MYO1D: variants seen among roughly 807,000 people sequenced by gnomAD.
The protein encoded by MYO1D is myosin ID.
A neutral mutation model predicts 122.0 loss-of-function variants in MYO1D; 83 were observed. The observed-to-expected ratio is 0.68, with a 90% CI of 0.57 to 0.82. The LOEUF (loss-of-function observed/expected upper bound fraction) is 0.82, where lower values mean the gene tolerates loss of function less well. Among genes scored for constraint, MYO1D ranks in the 40% least tolerant of loss-of-function variants. MYO1D has a pLI of 0.00. For synonymous variants in MYO1D, 464 were observed against 446.9 expected, an observed-to-expected ratio of 1.04 and a Z score of -0.48; for missense variants, 1,157 against 1,269.5, an observed-to-expected ratio of 0.91 and a Z score of 1.35.
At chr17:32,594,450 CTT>C (rs1358056319) in intron 21 of MYO1D, 3 of 473,666 alleles carry the variant, frequency 6.3e-6, no homozygotes, top group Non-Finnish European at 1.1e-5. Flanking sequence ...TAATTGAACA[CTT>C]TTGTTTGTTT....
chr17:32,598,904 C>G (rs893205557), intron 21 of MYO1D, among the ~76,000 whole-genome samples: 1 of 152,176 alleles, frequency 6.6e-6, no homozygotes, highest in Non-Finnish European at 1.5e-5. Context: ...ACAAAAAATG[C>G]TAAAAATACT....
At chr17:32,527,735 C>A (rs1910386850) in intron 21 of MYO1D, among the ~76,000 whole-genome samples, 1 of 152,048 alleles carries the variant, frequency 6.6e-6, no homozygotes, top group African/African-American at 2.4e-5. Context: ...GAGATCAAGT[C>A]TGTAGTGAGC....
In MYO1D at chr17:32,571,148, G is replaced by A. The variant is rs982790853; in HGVS notation, c.2864+33939C>T. ...GTTTCTACCACTGGTGCTAGAGTAG[G>A]TGAATCAGTGGGAAGTATCTGTGGG... is the stretch of plus-strand genomic sequence containing the variant. On this transcript the variant is annotated intron_variant, in intron 21 of 21. Coordinates refer to ENST00000318217, the MANE Select transcript of MYO1D (RefSeq NM_015194.3). 2.6e-5 allele frequency among the ~76,000 whole-genome samples: 4 copies of A among 152,298 alleles called. No homozygotes were observed. The East Asian group carries it at 5.8e-4, about 22-fold the overall frequency.
At chr17:32,722,867 G>T (rs2089528447) in intron 14 of MYO1D, among the ~76,000 whole-genome samples, 1 of 152,144 alleles carries the variant, frequency 6.6e-6, no homozygotes, top group South Asian at 2.1e-4. Flanking sequence ...GTGACTCATA[G>T]CTGGGCATCT....
chr17:32,597,057 G>A (rs1269578993), intron 21 of MYO1D, among the ~76,000 whole-genome samples: 1 of 152,194 alleles, frequency 6.6e-6, no homozygotes, highest in East Asian at 1.9e-4. Context: ...AATATTCCAA[G>A]AGGCTATATT....
At chr17:32,759,767 T>C (rs1320058879) in intron 10 of MYO1D, 8 of 225,570 alleles carry the variant, frequency 3.5e-5, no homozygotes, top group African/African-American at 1.6e-4. Flanking sequence ...TTCCCAAAGA[T>C]TGATTAGAGT....
At chr17:32,827,740 A>G (rs2090735891) in intron 1 of MYO1D, among the ~76,000 whole-genome samples, 1 of 152,234 alleles carries the variant, frequency 6.6e-6, no homozygotes, top group South Asian at 2.1e-4. Context: ...TAGAATCTAC[A>G]GCCCACAAAA....
chr17:32,651,903 C>T (rs1210203477), intron 19 of MYO1D, among the ~76,000 whole-genome samples: 3 of 152,122 alleles, frequency 2.0e-5, no homozygotes, highest in African/African-American at 7.2e-5. Context: ...GTCTTGATCG[C>T]TTGACCTCAT....
At chr17:32,732,750 C>T (rs1223180357) in intron 14 of MYO1D, among the ~76,000 whole-genome samples, 2 of 152,228 alleles carry the variant, frequency 1.3e-5, no homozygotes, top group Non-Finnish European at 2.9e-5. Context: ...AGCTGTAACA[C>T]AAACAGGGCT....
intron 1 of MYO1D, among the ~76,000 whole-genome samples, chr17:32,828,912 C>T (rs952431448): frequency 5.9e-5 from 9 of 152,126 alleles, no homozygotes; most frequent in African/African-American, 1.7e-4. Flanking sequence ...ACATACAAGT[C>T]GGGTAAACCT....
chr17:32,565,969 C>G (rs1298725061), intron 21 of MYO1D, among the ~76,000 whole-genome samples: 2 of 152,174 alleles, frequency 1.3e-5, no homozygotes, highest in Non-Finnish European at 2.9e-5. Context: ...AGGCGATCCA[C>G]CCACCTCAGC....
intron 1 of MYO1D, among the ~76,000 whole-genome samples, chr17:32,792,147 T>C (rs1014451050): frequency 1.3e-5 from 2 of 152,224 alleles, no homozygotes; most frequent in African/African-American, 4.8e-5. Context: ...ATAAATACAA[T>C]GGTAGCTATT....
chr17:32,644,880 T>G (rs961833261), intron 19 of MYO1D, among the ~76,000 whole-genome samples: 1 of 152,250 alleles, frequency 6.6e-6, no homozygotes, highest in African/African-American at 2.4e-5. Context: ...TGCCAGTCTG[T>G]GTCTTTTAAT....
intron 19 of MYO1D, among the ~76,000 whole-genome samples, chr17:32,651,934 C>G (rs2150948925): frequency 6.6e-6 from 1 of 152,272 alleles, no homozygotes; most frequent in South Asian, 2.1e-4. Context: ...CCTCGGCCTT[C>G]CAAAGTGGTG....
At chr17:32,828,474 C>T (rs1217023176) in intron 1 of MYO1D, among the ~76,000 whole-genome samples, 5 of 144,628 alleles carry the variant, frequency 3.5e-5, no homozygotes, top group African/African-American at 5.1e-5. Flanking sequence ...AGAGATCGCA[C>T]CACTGAACTC....
intron 21 of MYO1D, among the ~76,000 whole-genome samples, chr17:32,574,815 G>T (rs1177719924): frequency 6.6e-6 from 1 of 152,136 alleles, no homozygotes; most frequent in East Asian, 1.9e-4. Flanking sequence ...CTAAAACAGT[G>T]GTTTGCAGGG....
intron 1 of MYO1D, among the ~76,000 whole-genome samples, chr17:32,841,724 G>A (rs1485746329): frequency 6.6e-6 from 1 of 152,122 alleles, no homozygotes; most frequent in African/African-American, 2.4e-5. Flanking sequence ...TCACGATAGG[G>A]TAGGCAGAAT....
At chr17:32,571,156 G>C (rs1036114296) in intron 21 of MYO1D, among the ~76,000 whole-genome samples, 1 of 152,190 alleles carries the variant, frequency 6.6e-6, no homozygotes, top group Non-Finnish European at 1.5e-5. Context: ...AGGTGAATCA[G>C]TGGGAAGTAT....
At chr17:32,848,843 CA>C (rs2090960634) in intron 1 of MYO1D, among the ~76,000 whole-genome samples, 1 of 152,140 alleles carries the variant, frequency 6.6e-6, no homozygotes, top group South Asian at 2.1e-4. Flanking sequence ...CCTTAAAGTA[CA>C]TGCTTTAAGA....
Sources: gnomAD v4.1 joint callset for allele counts (sites outside exome capture counted in the v4.1 genomes callset) on GRCh38, gnomAD v4.1.1 for gene constraint, MANE v1.5 for transcripts, NCBI Gene and HGNC (gene_info 2026-07-23, HGNC 2026-07-21) for gene names.